CXXC4: variants seen among roughly 807,000 people sequenced by gnomAD.
CXXC4 encodes CXXC finger protein 4.
Under a neutral mutation model 20.5 loss-of-function variants are expected in CXXC4, and 5 were observed. The ratio of observed to expected loss-of-function variants is 0.24; its 90% CI spans 0.13 to 0.51. The LOEUF (loss-of-function observed/expected upper bound fraction) is 0.51, where lower values mean the gene tolerates loss of function less well. CXXC4 is among the 20% of genes least tolerant of loss of function. The pLI is 0.97. For synonymous variants in CXXC4, 250 were observed against 216.4 expected (o/e 1.16, Z -1.36); for missense variants, 419 against 496.4 (o/e 0.84, Z 1.48).
At chr4:104,477,861 TA>T (rs1390180845) in intron 2 of CXXC4, among the ~76,000 whole-genome samples, 2 of 152,146 alleles carry the variant, frequency 1.3e-5, no homozygotes, top group Non-Finnish European at 2.9e-5. Flanking sequence ...ATTTTTCTAA[TA>T]ATCCAGATTC....
intron 2 of CXXC4, among the ~76,000 whole-genome samples, chr4:104,474,266 C>A (rs1361288410): frequency 3.3e-5 from 5 of 151,956 alleles, no homozygotes; most frequent in Non-Finnish European, 7.4e-5. Flanking sequence ...TCCTTTCCAG[C>A]TCACTATGCA....
Position 104,491,320 on chromosome 4 carries a change from G to A in CXXC4, c.483C>T (p.Gly161=), listed in dbSNP as rs756695587. 1.1e-5 allele frequency: 17 copies of A among 1,554,574 alleles called. No homozygotes were observed. Among genetic ancestry groups the A allele is most frequent in the Non-Finnish European group, 1.5e-5 (17 of 1,153,746 alleles). The change falls in exon 2 of 3, where the codon GGC becomes GGT. Residue 161 remains glycine, a synonymous_variant. Transcript: ENST00000394767. The part of the protein sequence containing the change: ...AILPAGGGGG[G]GGGGSRTSMH... ...TGCTGGTCCTGCTGCCGCCGCCGCC[G>A]CCGCCGCCGCCACCGCCGGCGGGGA...
Position 104,491,957 on chromosome 4 carries a change from G to A in CXXC4, c.-155C>T, listed in dbSNP as rs1037537376. 5 of 416,220 alleles carry A rather than the reference G, an allele frequency of 1.2e-5. No homozygotes were observed. Among genetic ancestry groups the A allele is most frequent in the Non-Finnish European group, 2.1e-5 (5 of 236,608 alleles). 25.8% of individuals were successfully genotyped at this position (416,220 alleles called of 1,614,324 possible). On this transcript the variant is annotated 5_prime_UTR_variant, in exon 2 of 3. Transcript: ENST00000394767. ...GGTGGGGAAAGTGGGTTCGGGTGGG[G>A]AGAGCAAGGTGAGGGCTGCTTTATT...
intron 2 of CXXC4, among the ~76,000 whole-genome samples, chr4:104,478,377 T>C (rs1736470268): frequency 6.6e-6 from 1 of 152,154 alleles, no homozygotes; most frequent in Admixed American, 6.5e-5. Context: ...AAGCCTGTCA[T>C]GAAAACAGCT....
chr4:104,487,391 A>T (rs1307646743), intron 2 of CXXC4, among the ~76,000 whole-genome samples: 1 of 152,178 alleles, frequency 6.6e-6, no homozygotes, highest in Non-Finnish European at 1.5e-5. Context: ...ATGTTCAGAG[A>T]CTAAGAGGCT....
intron 2 of CXXC4, among the ~76,000 whole-genome samples, chr4:104,478,864 AATACT>A (rs1415260135): frequency 2.0e-5 from 3 of 152,096 alleles, no homozygotes; most frequent in Admixed American, 2.0e-4. Context: ...TAATAAAATC[AATACT>A]ATACTTTCAA....
intron 2 of CXXC4, among the ~76,000 whole-genome samples, chr4:104,476,453 A>G: frequency 6.6e-6 from 1 of 152,182 alleles, no homozygotes; most frequent in East Asian, 1.9e-4. Context: ...AACTCTGTAC[A>G]TATGAGGATA....
At chr4:104,484,183 C>T (rs1449142178) in intron 2 of CXXC4, among the ~76,000 whole-genome samples, 1 of 151,910 alleles carries the variant, frequency 6.6e-6, no homozygotes, top group East Asian at 1.9e-4. Context: ...TATATAGCAT[C>T]TTTCAGTTTG....
intron 2 of CXXC4, among the ~76,000 whole-genome samples, chr4:104,480,146 C>T (rs1043114325): frequency 3.3e-5 from 5 of 152,056 alleles, no homozygotes; most frequent in African/African-American, 1.2e-4. Flanking sequence ...AATTTCTCCT[C>T]AGGAAGTTTT....
At chr4:104,473,244 A>C (rs1736322394) in intron 2 of CXXC4, among the ~76,000 whole-genome samples, 1 of 151,898 alleles carries the variant, frequency 6.6e-6, no homozygotes, top group South Asian at 2.1e-4. Flanking sequence ...TCACTGTTTC[A>C]AAGTGAGTTT....
At chr4:104,488,585 G>GA (rs1292649788) in intron 2 of CXXC4, among the ~76,000 whole-genome samples, 1 of 152,136 alleles carries the variant, frequency 6.6e-6, no homozygotes, top group Non-Finnish European at 1.5e-5. Context: ...GAGTTCAAAG[G>GA]AAAAAATCAG....
Position 104,491,307 on chromosome 4 carries a change from T to C in CXXC4, c.496A>G (p.Ser166Gly). The C allele has an allele frequency of 3.8e-6, 6 of 1,572,890 alleles. No homozygotes were observed. The highest frequency in any genetic ancestry group is 1.8e-5 in the Admixed American group (1 of 55,118). Reference protein sequence around the residue: ...GGGGGGGGGGSRTSMHHRNDS... With the variant: ...GGGGGGGGGGGRTSMHHRNDS... ...TTTCGGTGGTGCATGCTGGTCCTGC[T>C]GCCGCCGCCGCCGCCGCCGCCGCCA... Residue 166 changes from serine to glycine, a missense_variant, in exon 2 of 3, where the codon AGC (serine) becomes GGC (glycine). Coordinates refer to ENST00000394767, the MANE Select transcript of CXXC4 (RefSeq NM_025212.4).
At position 104,469,698 on chromosome 4, in the gene CXXC4, T is replaced by C. The variant is rs910465779; in HGVS notation, c.*2624A>G. 5 of 152,046 alleles carry C rather than the reference T, an allele frequency of 3.3e-5. No individual in the cohort carries two copies. The highest frequency in any genetic ancestry group is 7.4e-5 in the Non-Finnish European group (5 of 67,966). The allele number at this position is 152,046 out of a possible 1,614,324, so 9.4% of individuals were successfully genotyped here. On this transcript the variant is annotated 3_prime_UTR_variant, in exon 3 of 3. Transcript: ENST00000394767. ...CAACATCACCAATGAGAACTTTATA[T>C]GCATCCTACATTATATAAATGGAGT...
intron 2 of CXXC4, among the ~76,000 whole-genome samples, chr4:104,481,219 G>A (rs560186075): frequency 2.6e-5 from 4 of 152,102 alleles, no homozygotes; most frequent in South Asian, 2.1e-4. Context: ...TCCATTTCGT[G>A]GGCTGAAAAT....
intron 2 of CXXC4, among the ~76,000 whole-genome samples, chr4:104,476,633 TATG>T (rs1461796214): frequency 6.6e-6 from 1 of 151,304 alleles, no homozygotes; most frequent in Admixed American, 6.6e-5. Flanking sequence ...AGATCATGAT[TATG>T]ATACTAGAAA....
rs1736243565 is a variant in CXXC4 at position 104,470,549 on chromosome 4, T to G, written c.*1773A>C. 6.6e-6 allele frequency: 1 copy of G among 152,082 alleles called. No homozygotes were observed. The highest frequency in any genetic ancestry group is 6.6e-5 in the Admixed American group (1 of 15,216). The allele number at this position is 152,082 out of a possible 1,614,324, so 9.4% of individuals were successfully genotyped here. Reference sequence around the variant, plus strand: ...TCTGTCCTATCGTATCCCATTGAAATCTACAACTAAATTTTTAAAAATATT... The same window carrying G: ...TCTGTCCTATCGTATCCCATTGAAAGCTACAACTAAATTTTTAAAAATATT... On this transcript the variant is annotated 3_prime_UTR_variant, in exon 3 of 3. Transcript: ENST00000394767.
rs1736262422 is a variant in CXXC4, at chr4:104,471,102, C to A, written c.*1220G>T. The A allele has an allele frequency of 6.6e-6, 1 of 151,830 alleles. No individual in the cohort carries two copies. The highest frequency in any genetic ancestry group is 6.6e-5 in the Admixed American group (1 of 15,206). 9.4% of individuals were successfully genotyped at this position (151,830 alleles called of 1,614,324 possible). A position where few individuals can be genotyped will look rare whatever the true frequency, so the allele number is the denominator to read the frequency against. On this transcript the variant is annotated 3_prime_UTR_variant, in exon 3 of 3. Coordinates refer to ENST00000394767, the MANE Select transcript of CXXC4 (RefSeq NM_025212.4). ...AAGGACCAGGGGAAGACCACTAGTC[C>A]AACTGGGTGGCTATGAGAAAAGAAA...
chr4:104,490,708 G>T, intron 2 of CXXC4, 36 bp downstream of exon 2: 1 of 1,548,228 alleles, frequency 6.5e-7, no homozygotes, highest in Non-Finnish European at 8.8e-7. Flanking sequence ...GGAGGGAAGG[G>T]GGGAGACTGG....
In CXXC4 at chr4:104,469,426, G is replaced by T. The variant is rs1736206141; in HGVS notation, c.*2896C>A. 1 of 152,000 alleles carries T rather than the reference G, an allele frequency of 6.6e-6. No individual in the cohort carries two copies. The highest frequency in any genetic ancestry group is 2.1e-4 in the South Asian group (1 of 4,828). 9.4% of individuals were successfully genotyped at this position (152,000 alleles called of 1,614,324 possible). A position where few individuals can be genotyped will look rare whatever the true frequency, so the allele number is the denominator to read the frequency against. ...ACAAAGTTTTTTATTCAGTTTATCTGATATATAATTATTAAGTTGTGTATA... is the reference window on the plus strand; with the variant it reads ...ACAAAGTTTTTTATTCAGTTTATCTTATATATAATTATTAAGTTGTGTATA... On this transcript the variant is annotated 3_prime_UTR_variant, in exon 3 of 3. Transcript: ENST00000394767.
Sources: gnomAD v4.1 joint callset for allele counts (sites outside exome capture counted in the v4.1 genomes callset) on GRCh38, gnomAD v4.1.1 for gene constraint, MANE v1.5 for transcripts, NCBI Gene and HGNC (gene_info 2026-07-23, HGNC 2026-07-21) for gene names.